Variants in PSMD1 observed in about 807,000 individuals in gnomAD.
The protein encoded by PSMD1 is 26S proteasome non-ATPase regulatory subunit 1.
Under a neutral mutation model 119.0 loss-of-function variants are expected in PSMD1, and 18 were observed. The observed-to-expected ratio is 0.15, with a 90% CI of 0.10 to 0.22. The LOEUF (loss-of-function observed/expected upper bound fraction) is 0.22, where lower values mean the gene tolerates loss of function less well. Ranked by LOEUF, PSMD1 falls within the 10% of genes least tolerant of loss-of-function variation. PSMD1 has a pLI of 1.00. For synonymous variants in PSMD1, 374 were observed against 396.6 expected, an observed-to-expected ratio of 0.94 and a Z score of 0.68; for missense variants, 702 against 1,158.5, an observed-to-expected ratio of 0.61 and a Z score of 5.72.
At chr2:231,075,611 G>C (rs1172913432) in intron 8 of PSMD1, 40 bp downstream of exon 8, 1 of 1,575,392 alleles carries the variant, frequency 6.3e-7, no homozygotes, top group Non-Finnish European at 8.7e-7. Flanking sequence ...ACAGGGTCCT[G>C]ATCTGTCACC....
chr2:231,115,326 C>T (rs1695292631), intron 16 of PSMD1, among the ~76,000 whole-genome samples: 1 of 152,006 alleles, frequency 6.6e-6, no homozygotes, highest in Admixed American at 6.6e-5. Flanking sequence ...ACAAAGTATC[C>T]AGAAGGTAGC....
intron 12 of PSMD1, among the ~76,000 whole-genome samples, chr2:231,081,304 A>C (rs1042771655): frequency 3.9e-5 from 6 of 152,258 alleles, no homozygotes; most frequent in African/African-American, 1.4e-4. Flanking sequence ...ATGGTTACAA[A>C]AAAACAAAAC....
chr2:231,112,053 G>C (rs889451631), intron 16 of PSMD1, among the ~76,000 whole-genome samples: 3 of 152,028 alleles, frequency 2.0e-5, no homozygotes, highest in Non-Finnish European at 4.4e-5. Context: ...TTATTAGCTT[G>C]ATCACATTTC....
chr2:231,096,525 CTATGTCT>C (rs1202467155), intron 16 of PSMD1, among the ~76,000 whole-genome samples: 14 of 152,212 alleles, frequency 9.2e-5, no homozygotes, highest in African/African-American at 3.1e-4. Flanking sequence ...TTCCAGAGCT[CTATGTCT>C]AATGTACCTT....
chr2:231,057,160 G>C (rs1245316770), intron 1 of PSMD1, 119 bp downstream of exon 1: 8 of 1,258,510 alleles, frequency 6.4e-6, no homozygotes, highest in Non-Finnish European at 8.3e-6. Flanking sequence ...GCAGCTTCTT[G>C]CTGCCCAGGG....
At chr2:231,139,854 G>T (rs1035601594) in intron 17 of PSMD1, among the ~76,000 whole-genome samples, 1 of 152,128 alleles carries the variant, frequency 6.6e-6, no homozygotes, top group Non-Finnish European at 1.5e-5. Flanking sequence ...ATGGGGTAAG[G>T]TGATGATTTG....
intron 8 of PSMD1, among the ~76,000 whole-genome samples, chr2:231,076,243 T>C (rs1236372849): frequency 6.6e-6 from 1 of 152,234 alleles, no homozygotes; most frequent in African/African-American, 2.4e-5. Context: ...TTTTAATGTT[T>C]GCAGCGTATT....
chr2:231,079,337 A>G (rs1559221938), intron 10 of PSMD1, among the ~76,000 whole-genome samples, 199 bp from the exon 11 acceptor site: 1 of 152,224 alleles, frequency 6.6e-6, no homozygotes, highest in Non-Finnish European at 1.5e-5. Flanking sequence ...TAGTAGAATT[A>G]CGTATCGTGC....
At chr2:231,131,964 G>A (rs895766273) in intron 16 of PSMD1, among the ~76,000 whole-genome samples, 3 of 152,174 alleles carry the variant, frequency 2.0e-5, no homozygotes, top group Non-Finnish European at 4.4e-5. Flanking sequence ...AGTTGGAACT[G>A]TTGTTAGATT....
intron 18 of PSMD1, 67 bp from the exon 19 acceptor site, chr2:231,153,497 T>G: frequency 1.8e-6 from 2 of 1,083,242 alleles, no homozygotes; most frequent in Non-Finnish European, 2.8e-6. Context: ...GCAATATTAT[T>G]CCCTGTTCTA....
At chr2:231,171,314 G>A (rs1696905120) in intron 24 of PSMD1, among the ~76,000 whole-genome samples, 1 of 152,124 alleles carries the variant, frequency 6.6e-6, no homozygotes, top group South Asian at 2.1e-4. Flanking sequence ...GGACTTTGAG[G>A]TCAGTTAGAC....
At chr2:231,094,818 A>G (rs1012168623) in intron 16 of PSMD1, among the ~76,000 whole-genome samples, 1 of 152,218 alleles carries the variant, frequency 6.6e-6, no homozygotes, top group Non-Finnish European at 1.5e-5. Context: ...ATAATCAGAA[A>G]GTGCTATTTG....
At chr2:231,063,365 G>C (rs1334471910) in intron 4 of PSMD1, among the ~76,000 whole-genome samples, 1 of 152,210 alleles carries the variant, frequency 6.6e-6, no homozygotes, top group Non-Finnish European at 1.5e-5. Context: ...TGTAGTAAAT[G>C]AAAGAAGGGA....
intron 16 of PSMD1, among the ~76,000 whole-genome samples, chr2:231,089,011 T>C (rs1461676440): frequency 6.6e-6 from 1 of 152,174 alleles, no homozygotes; most frequent in Non-Finnish European, 1.5e-5. Flanking sequence ...AAAGTTGTAG[T>C]GCTCCGGAGA....
Position 231,106,342 on chromosome 2 carries a change from G to A in PSMD1, c.1883+19161G>A, listed in dbSNP as rs191378954. ...CTGGGTTAATTGTAAGCAAGAGCTA[G>A]ACATGGTGACTCACACCTGTAATCC... On this transcript the variant is annotated intron_variant, in intron 16 of 24. Coordinates refer to ENST00000308696, the MANE Select transcript of PSMD1 (RefSeq NM_002807.4). 1.3e-3 allele frequency among the ~76,000 whole-genome samples: 201 copies of A among 152,304 alleles called. 1 individual carries two copies. Among genetic ancestry groups the A allele is most frequent in the African/African-American group, 4.5e-3 (187 of 41,560 alleles).
chr2:231,100,368 G>A (rs1694834047), intron 16 of PSMD1, among the ~76,000 whole-genome samples: 2 of 152,164 alleles, frequency 1.3e-5, no homozygotes, highest in African/African-American at 2.4e-5. Flanking sequence ...TCCCCTGTTG[G>A]CAAGGGTTAG....
chr2:231,143,454 T>C (rs921803174), intron 17 of PSMD1, among the ~76,000 whole-genome samples: 11 of 152,208 alleles, frequency 7.2e-5, no homozygotes, highest in Non-Finnish European at 1.6e-4. Context: ...GGTCTCGGAC[T>C]CCTGACCTCG....
chr2:231,079,456 G>T (rs1305338487), intron 10 of PSMD1, 80 bp from the exon 11 acceptor site: 5 of 925,682 alleles, frequency 5.4e-6, no homozygotes, highest in Non-Finnish European at 8.0e-6. Flanking sequence ...AAATTTTAAT[G>T]CTTTTAACCT....
intron 16 of PSMD1, among the ~76,000 whole-genome samples, chr2:231,091,646 A>G (rs1694596477): frequency 1.3e-5 from 2 of 152,106 alleles, no homozygotes; most frequent in Non-Finnish European, 2.9e-5. Context: ...ACAAGAATTG[A>G]CCCCCAGGAG....
Sources: allele counts gnomAD v4.1 joint callset (sites outside exome capture counted in the v4.1 genomes callset), GRCh38; gene constraint gnomAD v4.1.1; transcripts MANE v1.5; gene names NCBI Gene and HGNC (gene_info 2026-07-23, HGNC 2026-07-21).